The following CAPN5 variants were observed in gnomAD, a reference collection of about 807,000 sequenced individuals.
CAPN5 encodes calpain 5.
In CAPN5, 54 loss-of-function variants were observed where a neutral mutation model predicts 73.0. The observed-to-expected ratio is 0.74, with a 90% confidence interval of 0.59 to 0.93. CAPN5 has a LOEUF of 0.93. Among genes scored for constraint, CAPN5 ranks in the 40% least tolerant of loss-of-function variants. The pLI is 0.00. For synonymous variants in CAPN5, 335 were observed against 356.9 expected (o/e 0.94, Z 0.69); for missense variants, 785 against 882.9 (o/e 0.89, Z 1.41).
intron 1 of CAPN5, chr11:77,071,559 G>A (rs1376721268): frequency 4.2e-5 from 18 of 433,734 alleles, no homozygotes; most frequent in South Asian, 2.5e-4. Flanking sequence ...GGTATGTGGG[G>A]TCAGGTGAAC....
chr11:77,093,146 T>C (rs1240306576), intron 2 of CAPN5, among the ~76,000 whole-genome samples: 1 of 152,242 alleles, frequency 6.6e-6, no homozygotes, highest in Admixed American at 6.5e-5. Flanking sequence ...GATGAGATTA[T>C]GCGAGGCAAG....
intron 3 of CAPN5, chr11:77,103,181 C>T: frequency 6.2e-7 from 1 of 1,613,794 alleles, no homozygotes; most frequent in East Asian, 2.2e-5. Context: ...ACTCGGATGC[C>T]ATAGATTGGA....
At chr11:77,096,647 G>C (rs1450840531) in intron 3 of CAPN5, among the ~76,000 whole-genome samples, 1 of 152,366 alleles carries the variant, frequency 6.6e-6, no homozygotes, top group East Asian at 1.9e-4. Flanking sequence ...ATCAGGTTGC[G>C]ACAGTTTGGC....
At chr11:77,108,297 G>A (rs1025279486) in intron 3 of CAPN5, among the ~76,000 whole-genome samples, 2 of 152,202 alleles carry the variant, frequency 1.3e-5, no homozygotes, top group African/African-American at 4.8e-5. Flanking sequence ...CCATGCTGGG[G>A]TGCCAGGAAA....
intron 3 of CAPN5, among the ~76,000 whole-genome samples, chr11:77,111,989 T>C (rs1950414746): frequency 6.6e-6 from 1 of 151,726 alleles, no homozygotes; most frequent in African/African-American, 2.4e-5. Flanking sequence ...GGGAGTGCAT[T>C]GAGAGTTTGT....
intron 7 of CAPN5, 76 bp downstream of exon 7, chr11:77,116,379 A>T: frequency 8.5e-7 from 1 of 1,171,538 alleles, no homozygotes; most frequent in South Asian, 1.3e-5. Context: ...CCAGGTGGGG[A>T]GTCAGGAGCC....
At chr11:77,122,466 T>C in intron 11 of CAPN5, 110 bp from the exon 12 acceptor site, 1 of 948,062 alleles carries the variant, frequency 1.1e-6, no homozygotes, top group Non-Finnish European at 1.6e-6. Context: ...CAGGCTCCAG[T>C]CTCTCCATCT....
At chr11:77,119,502 G>C (rs1404593284) in intron 9 of CAPN5, 1 of 279,972 alleles carries the variant, frequency 3.6e-6, no homozygotes, top group African/African-American at 2.1e-5. Context: ...CCTCCCTCAG[G>C]CCTCAGGGCC....
intron 1 of CAPN5, among the ~76,000 whole-genome samples, chr11:77,075,897 T>TA (rs1453308335): frequency 2.0e-5 from 3 of 152,168 alleles, no homozygotes; most frequent in African/African-American, 7.2e-5. Context: ...GTAGATGAGT[T>TA]ATGCAGGCTT....
In CAPN5 at chr11:77,091,187, C is replaced by G. The variant is rs201074020; in HGVS notation, c.166-2495C>G. Among the ~76,000 whole-genome samples, 16 of 152,330 alleles carry G rather than the reference C, an allele frequency of 1.1e-4. No individual in the cohort carries two copies. In the East Asian group the frequency reaches 2.7e-3, roughly 26 times the overall value. Reference sequence around the variant, plus strand: ...AACTAGGAGCCCTCTTCCCCATTCTCCCTTGCAACTGCTCTGCTCCACGAT... The same window carrying G: ...AACTAGGAGCCCTCTTCCCCATTCTGCCTTGCAACTGCTCTGCTCCACGAT... On this transcript the variant is annotated intron_variant, in intron 2 of 12. Transcript: ENST00000648180.
At chr11:77,104,182 G>C (rs73493641) in intron 3 of CAPN5, among the ~76,000 whole-genome samples, 27,069 of 152,150 alleles carry the variant, frequency 0.18, 3,351 homozygotes, top group African/African-American at 0.34. Flanking sequence ...CTGGGGGCTT[G>C]CTGAGCTAGG....
At chr11:77,098,435 T>C (rs1950239944) in intron 3 of CAPN5, among the ~76,000 whole-genome samples, 2 of 93,318 alleles carry the variant, frequency 2.1e-5, no homozygotes, top group African/African-American at 9.1e-5. Context: ...GCTCCTCACT[T>C]CCCAGTAGGG....
chr11:77,111,688 T>C (rs1565274398), intron 3 of CAPN5, among the ~76,000 whole-genome samples: 1 of 150,116 alleles, frequency 6.7e-6, no homozygotes, highest in Non-Finnish European at 1.5e-5. Context: ...GAGACCTATA[T>C]GGCCCTGCCC....
Position 77,084,916 on chromosome 11 carries a change from C to G in CAPN5, c.30C>G (p.Asp10Glu), listed in dbSNP as rs34801837. 4.8e-3 allele frequency: 7,714 copies of G among 1,614,030 alleles called. 333 individuals carry two copies. The African/African-American group carries it at 0.091, about 19-fold the overall frequency. MFSCVKPYE[D>E]QNYSALRRDC... is the part of the protein sequence containing the mutation. ...TCTCGTGTGTGAAGCCCTATGAGGA[C>G]CAGAACTACTCAGCCCTGAGGCGGG... The change falls in exon 2 of 13, where the codon GAC (aspartate) becomes GAG (glutamate). Residue 10 changes from aspartate (D) to glutamate (E), a missense_variant. Asp to Glu is a conservative substitution (Grantham distance 45). Coordinates refer to ENST00000648180, the MANE Select transcript of CAPN5 (RefSeq NM_004055.5).
intron 3 of CAPN5, among the ~76,000 whole-genome samples, chr11:77,105,216 G>A (rs991463362): frequency 6.6e-6 from 1 of 151,698 alleles, no homozygotes; most frequent in Admixed American, 6.6e-5. Context: ...CCTCGGTGGT[G>A]TGCAGTGTCT....
intron 3 of CAPN5, among the ~76,000 whole-genome samples, chr11:77,107,051 AG>A (rs1950357874): frequency 6.6e-6 from 1 of 152,178 alleles, no homozygotes; most frequent in South Asian, 2.1e-4. Context: ...CCCCATGAAC[AG>A]GACCTGCCGT....
intron 2 of CAPN5, among the ~76,000 whole-genome samples, chr11:77,085,590 TCA>T (rs1187909797): frequency 6.6e-6 from 1 of 152,176 alleles, no homozygotes; most frequent in Non-Finnish European, 1.5e-5. Context: ...AAAATTCCAC[TCA>T]CAGCCTGGCA....
At chr11:77,121,907 C>T (rs782344463) in intron 10 of CAPN5, 27 bp from the exon 11 acceptor site, 3 of 1,355,554 alleles carry the variant, frequency 2.2e-6, no homozygotes, top group Admixed American at 4.6e-5. Flanking sequence ...CTCCATCACT[C>T]CCCTCTCCCC....
In CAPN5 at chr11:77,118,337, C is replaced by A. The variant is rs1950489125; in HGVS notation, c.1152C>A (p.Phe384Leu). The change falls in exon 8 of 13, where the codon TTC becomes TTA. Residue 384 changes from phenylalanine to leucine, a missense_variant. By Grantham distance (22) the Phe-to-Leu change is conservative. Coordinates refer to ENST00000648180, the MANE Select transcript of CAPN5 (RefSeq NM_004055.5). ...GGGCINHKDT[F>L]FQNPQYIFEV... is the part of the protein sequence containing the mutation. ...GCTGCATCAACCACAAGGACACCTT[C>A]TTCCAGAACCCACAGGTGGGCGTTC... 1 of 1,590,638 alleles carries A rather than the reference C, an allele frequency of 6.3e-7. No homozygotes were observed. The highest frequency in any genetic ancestry group is 8.6e-7 in the Non-Finnish European group (1 of 1,167,894).
Sources: gnomAD v4.1 joint callset for allele counts (sites outside exome capture counted in the v4.1 genomes callset) on GRCh38, gnomAD v4.1.1 for gene constraint, MANE v1.5 for transcripts, NCBI Gene and HGNC (gene_info 2026-07-23, HGNC 2026-07-21) for gene names.